PFKP: variants seen among roughly 807,000 people sequenced by gnomAD.
The protein encoded by PFKP is ATP-dependent 6-phosphofructokinase, platelet type.
A neutral mutation model predicts 94.3 loss-of-function variants in PFKP; 101 were observed. The ratio of observed to expected loss-of-function variants is 1.07; its 90% confidence interval spans 0.91 to 1.26. PFKP has a LOEUF of 1.26. Among genes scored for constraint, PFKP ranks in the 50% most tolerant of loss-of-function variants. The pLI is 0.00. For missense variants in PFKP, 1,145 were observed against 1,103.3 expected (o/e 1.04, Z -0.53); for synonymous variants, 573 against 432.6 (o/e 1.32, Z -4.03).
chr10:3,082,108 C>T (rs185303466), intron 1 of PFKP, among the ~76,000 whole-genome samples: 2 of 149,362 alleles, frequency 1.3e-5, no homozygotes, highest in East Asian at 4.0e-4. Context: ...CTATTCTGTA[C>T]TTCGTTTTGC....
chr10:3,112,822 C>T (rs1269549571), intron 11 of PFKP, among the ~76,000 whole-genome samples: 1 of 152,262 alleles, frequency 6.6e-6, no homozygotes, highest in East Asian at 1.9e-4. Context: ...CCCGCCTCAG[C>T]CTCCCAAAGT....
chr10:3,119,764 G>GGTCTC, intron 15 of PFKP, 128 bp from the exon 16 acceptor site: 2 of 657,912 alleles, frequency 3.0e-6, no homozygotes, highest in Non-Finnish European at 5.1e-6. Context: ...TGATCTCGGA[G>GGTCTC]TGTTTTCGTG....
intron 20 of PFKP, among the ~76,000 whole-genome samples, chr10:3,135,392 T>A (rs1031866526): frequency 2.0e-5 from 3 of 151,012 alleles, no homozygotes; most frequent in Non-Finnish European, 2.9e-5. Context: ...CTAATTTAGC[T>A]ATGGATGCTT....
chr10:3,082,871 C>A (rs539935336), intron 2 of PFKP, among the ~76,000 whole-genome samples: 2 of 152,232 alleles, frequency 1.3e-5, no homozygotes, highest in South Asian at 4.2e-4. Context: ...ACCACCACAC[C>A]CAGCTAATTT....
intron 16 of PFKP, among the ~76,000 whole-genome samples, chr10:3,123,715 G>A (rs1837649265): frequency 1.3e-5 from 2 of 152,268 alleles, no homozygotes; most frequent in South Asian, 4.1e-4. Context: ...CTCCCACGTG[G>A]CGGTGCTGAG....
At chr10:3,111,050 ATG>A (rs1836177519) in intron 10 of PFKP, among the ~76,000 whole-genome samples, 1 of 151,160 alleles carries the variant, frequency 6.6e-6, no homozygotes, top group African/African-American at 2.4e-5. Context: ...GTTTATATGC[ATG>A]TGTATATATG....
chr10:3,121,810 TTTTTTTTTTTTTTTTTTTTTC>T (rs1837447788), intron 16 of PFKP, among the ~76,000 whole-genome samples: 3 of 32,636 alleles, frequency 9.2e-5, no homozygotes, highest in Non-Finnish European at 1.3e-4. Context: ...TTTCTTTTTT[TTTTTTTTTTTTTTTTTTTTTC>T]TTTTTTTGGA....
rs557652658 is a variant in PFKP, at chr10:3,133,195, C to T, written c.1911-8C>T. ...CTAAACAAAGTGACTCCTTCTCGCTCGTTTCAGAAATGAGAGCTGCAGTGA... is the reference window on the plus strand; with the variant it reads ...CTAAACAAAGTGACTCCTTCTCGCTTGTTTCAGAAATGAGAGCTGCAGTGA... On this transcript the variant is annotated splice_polypyrimidine_tract_variant and splice_region_variant and intron_variant, in intron 18 of 21. Transcript: ENST00000381125. 8.1e-6 allele frequency: 13 copies of T among 1,606,316 alleles called. No individual in the cohort carries two copies. The highest frequency in any genetic ancestry group is 2.7e-5 in the African/African-American group (2 of 74,900).
intron 2 of PFKP, among the ~76,000 whole-genome samples, chr10:3,088,954 C>A (rs1182733649): frequency 6.6e-6 from 1 of 151,990 alleles, no homozygotes; most frequent in Admixed American, 6.6e-5. Context: ...TTTTTCCATA[C>A]AGAGTTTTGC....
In PFKP at chr10:3,108,774, C is replaced by T. The variant is rs1313422599; in HGVS notation, c.944C>T (p.Ser315Leu). The change falls in exon 9 of 22, where the codon TCG becomes TTG. Residue 315 changes from serine (S) to leucine (L), a missense_variant. Physicochemically the swap from Ser to Leu is moderately radical, Grantham distance 145. Around this residue, in one of 3 missense-constraint regions of PFKP, gnomAD observed 1,119 missense variants for 1,062.8 expected, o/e 1.05. Transcript: ENST00000381125. ...CACGTGCAGAGAGGAGGGACCCCTT[C>T]GGCATTCGACAGGATCTTGGTGAGT... is the stretch of plus-strand genomic sequence containing the variant. ...LGHVQRGGTP[S>L]AFDRILASRM... 7.4e-6 allele frequency: 12 copies of T among 1,612,452 alleles called. No individual in the cohort carries two copies. Among genetic ancestry groups the T allele is most frequent in the African/African-American group, 2.7e-5 (2 of 74,880 alleles).
chr10:3,112,625 T>A (rs1176690317), intron 11 of PFKP, among the ~76,000 whole-genome samples: 1 of 152,216 alleles, frequency 6.6e-6, no homozygotes, highest in Non-Finnish European at 1.5e-5. Flanking sequence ...TGGTGCCATC[T>A]CAGCTCCCTG....
intron 1 of PFKP, among the ~76,000 whole-genome samples, chr10:3,076,114 A>T (rs1054937546): frequency 1.3e-5 from 2 of 151,706 alleles, no homozygotes; most frequent in Non-Finnish European, 2.9e-5. Flanking sequence ...ATTATTGTAG[A>T]TTATTCATAT....
intron 16 of PFKP, 160 bp from the exon 17 acceptor site, chr10:3,129,659 A>C (rs1343613458): frequency 1.4e-6 from 1 of 738,504 alleles, no homozygotes; most frequent in Non-Finnish European, 2.2e-6. Flanking sequence ...CTCCGAGGGC[A>C]CATCCTGGCT....
intron 1 of PFKP, among the ~76,000 whole-genome samples, chr10:3,081,570 C>T (rs531059790): frequency 6.6e-6 from 1 of 152,350 alleles, no homozygotes; most frequent in Admixed American, 6.5e-5. Flanking sequence ...TGCCTTTTCA[C>T]TCCTCTCCCG....
chr10:3,113,437 C>T lies in PFKP; in HGVS notation c.1290C>T (p.Arg430=). The change falls in exon 13 of 22, where the codon CGC becomes CGT. Residue 430 remains arginine, a synonymous_variant. Coordinates refer to ENST00000381125, the MANE Select transcript of PFKP (RefSeq NM_002627.5). ...CGGCTGGGATGAACGCAGCCGTACG[C>T]TCAGCTGTGCGCGTGGGCATTGCCG... The part of the protein sequence containing the change: ...APAAGMNAAV[R]SAVRVGIADG... 1 of 1,611,182 alleles carries T rather than the reference C, an allele frequency of 6.2e-7. No individual in the cohort carries two copies. Among genetic ancestry groups the T allele is most frequent in the Non-Finnish European group, 8.5e-7 (1 of 1,178,786 alleles).
intron 4 of PFKP, among the ~76,000 whole-genome samples, chr10:3,102,809 C>A (rs1030240549): frequency 6.6e-6 from 1 of 152,228 alleles, no homozygotes; most frequent in Non-Finnish European, 1.5e-5. Context: ...GGCAAAGCAG[C>A]TGTCCCCAGG....
At chr10:3,113,229 G>A (rs766509981) in intron 12 of PFKP, 41 bp downstream of exon 12, 39 of 1,597,904 alleles carry the variant, frequency 2.4e-5, no homozygotes, top group Middle Eastern at 1.6e-4. Context: ...CCTCTCCTGC[G>A]GGCCTCCCCT....
At position 3,103,776 on chromosome 10, in the gene PFKP, C is replaced by T. The variant is rs1297548906; in HGVS notation, c.455-3C>T. 6.2e-7 allele frequency: 1 copy of T among 1,613,726 alleles called. No individual in the cohort carries two copies. Among genetic ancestry groups the T allele is most frequent in the Non-Finnish European group, 8.5e-7 (1 of 1,180,030 alleles). Reference sequence around the variant, plus strand: ...TGAGACGTGCTGTTTGCTCCCCGCGCAGGCCAGATCGATAAGGAGGCCGTG... The same window carrying T: ...TGAGACGTGCTGTTTGCTCCCCGCGTAGGCCAGATCGATAAGGAGGCCGTG... On this transcript the variant is annotated splice_region_variant and splice_polypyrimidine_tract_variant and intron_variant, in intron 4 of 21. Coordinates refer to ENST00000381125, the MANE Select transcript of PFKP (RefSeq NM_002627.5).
In PFKP at chr10:3,132,425, A is replaced by C; in HGVS notation, c.1894A>C (p.Arg632=). The C allele has an allele frequency of 6.2e-7, 1 of 1,611,242 alleles. No individual in the cohort carries two copies. The highest frequency in any genetic ancestry group is 1.7e-5 in the Admixed American group (1 of 60,022). The change falls in exon 18 of 22, where the codon AGA becomes CGA. Residue 632 remains arginine, a synonymous_variant. Coordinates refer to ENST00000381125, the MANE Select transcript of PFKP (RefSeq NM_002627.5). ...GGAGAAAATGAAGACCACCATCCAG[A>C]GAGGCCTTGTGCTCAGGTGAGAGAG... The part of the protein sequence containing the change: ...LTEKMKTTIQ[R]GLVLRNESCS...
Sources: gnomAD v4.1 joint callset for allele counts (sites outside exome capture counted in the v4.1 genomes callset) on GRCh38, gnomAD v4.1.1 for gene constraint, gnomAD v4.1.1 regional missense constraint, MANE v1.5 for transcripts, NCBI Gene and HGNC (gene_info 2026-07-23, HGNC 2026-07-21) for gene names.